BBS12: variants seen among roughly 807,000 people sequenced by gnomAD.
BBS12 encodes the protein Bardet-Biedl syndrome 12, also known as chaperonin-containing T-complex member BBS12.
BBS12 carries 5 observed loss-of-function variants against 5.6 expected under a neutral mutation model. That is an observed-to-expected ratio of 0.89 (90% CI 0.46 to 1.86). The LOEUF (loss-of-function observed/expected upper bound fraction) is 1.86, where lower values mean the gene tolerates loss of function less well. BBS12 is among the 40% of genes most tolerant of loss of function. The probability of loss-of-function intolerance (pLI) is 0.01; values close to 1 mark genes in which losing one functional copy is unlikely to be tolerated. For missense variants in BBS12, 748 were observed against 830.4 expected (o/e 0.90, Z 1.22); for synonymous variants, 308 against 306.8 (o/e 1.00, Z -0.04).
At position 122,743,011 on chromosome 4, in the gene BBS12, T is replaced by C. The variant is rs1385127802; in HGVS notation, c.1119T>C (p.Asn373=). 6.2e-7 allele frequency: 1 copy of C among 1,614,264 alleles called. No homozygotes were observed. Among genetic ancestry groups the C allele is most frequent in the African/African-American group, 1.3e-5 (1 of 75,074 alleles). The change falls in exon 2 of 2, where the codon AAT becomes AAC. Residue 373 remains asparagine (N), a synonymous_variant. Coordinates refer to ENST00000314218, the MANE Select transcript of BBS12 (RefSeq NM_152618.3). Reference sequence around the variant, plus strand: ...AGAATTACCGCCACCTGGGATTTAATAAGTCTGCAAATATTAAAACAGTAT... The same window carrying C: ...AGAATTACCGCCACCTGGGATTTAACAAGTCTGCAAATATTAAAACAGTAT... ...LTENYRHLGF[N]KSANIKTVLD...
chr4:122,734,414 C>T (rs1369826331), intron 1 of BBS12, among the ~76,000 whole-genome samples: 5 of 152,030 alleles, frequency 3.3e-5, no homozygotes, highest in Non-Finnish European at 7.4e-5. Flanking sequence ...TACAGGCGCC[C>T]GCCACCGCGC....
At chr4:122,716,607 A>ACGTG in the BBS12 span, among the ~76,000 whole-genome samples, 5 of 58,808 alleles carry the variant, frequency 8.5e-5, no homozygotes, top group East Asian at 2.5e-3. Context: ...GTATACACAC[A>ACGTG]TGTGTGTATA....
the BBS12 span, among the ~76,000 whole-genome samples, chr4:122,712,400 T>C: frequency 2.0e-5 from 3 of 152,238 alleles, no homozygotes; most frequent in Admixed American, 6.5e-5. Context: ...CAAAAGGCTA[T>C]GATGGTCTAA....
intron 1 of BBS12, among the ~76,000 whole-genome samples, chr4:122,739,496 T>C (rs767279545): frequency 1.3e-5 from 2 of 152,246 alleles, no homozygotes; most frequent in Non-Finnish European, 2.9e-5. Context: ...AAATCATGAA[T>C]GACCAGTGAA....
At chr4:122,712,964 A>C in the BBS12 span, among the ~76,000 whole-genome samples, 1 of 152,192 alleles carries the variant, frequency 6.6e-6, no homozygotes, top group Non-Finnish European at 1.5e-5. Context: ...GCAACTGCAT[A>C]TGTGGTGGTG....
intron 1 of BBS12, among the ~76,000 whole-genome samples, chr4:122,734,423 G>A (rs1800755816): frequency 6.6e-6 from 1 of 151,966 alleles, no homozygotes. Context: ...CCGCCACCGC[G>A]CCCGGCTAAT....
chr4:122,726,704 A>T, the BBS12 span, among the ~76,000 whole-genome samples: 8 of 152,234 alleles, frequency 5.3e-5, no homozygotes, highest in Non-Finnish European at 1.2e-4. Context: ...GAACCAGCCC[A>T]AATGCCCATC....
upstream of BBS12, chr4:122,730,412 A>G (rs995531281): frequency 6.6e-6 from 1 of 152,244 alleles, no homozygotes; most frequent in African/African-American, 2.4e-5. Context: ...AACTTCTTAC[A>G]TGGATTAGAC....
chr4:122,707,311 A>T, the BBS12 span, among the ~76,000 whole-genome samples: 1 of 146,064 alleles, frequency 6.8e-6, no homozygotes. Context: ...TTGTTTCCCC[A>T]CAAATTTTAT....
chr4:122,729,607 G>A (rs1056730408), upstream of BBS12: 4 of 152,136 alleles, frequency 2.6e-5, no homozygotes, highest in African/African-American at 9.7e-5. Context: ...GTAAAATGGA[G>A]CTAATACAAT....
the BBS12 span, among the ~76,000 whole-genome samples, chr4:122,710,721 T>A: frequency 6.6e-6 from 1 of 151,982 alleles, no homozygotes; most frequent in South Asian, 2.1e-4. Context: ...TTTTAATACG[T>A]AAAGGTATTG....
At chr4:122,741,729 A>G (rs1487741244) in intron 1 of BBS12, among the ~76,000 whole-genome samples, 154 bp from the exon 2 acceptor site, 1 of 152,186 alleles carries the variant, frequency 6.6e-6, no homozygotes, top group African/African-American at 2.4e-5. Flanking sequence ...TTTATCATTA[A>G]TAGAATAATA....
At chr4:122,709,100 T>C in the BBS12 span, among the ~76,000 whole-genome samples, 2 of 144,528 alleles carry the variant, frequency 1.4e-5, no homozygotes, top group Non-Finnish European at 3.0e-5. Flanking sequence ...AATATACATA[T>C]AATAATCAAC....
At chr4:122,716,609 GTGTGTA>G in the BBS12 span, among the ~76,000 whole-genome samples, 70 of 61,138 alleles carry the variant, frequency 1.1e-3, 7 homozygotes, top group Middle Eastern at 0.01. Context: ...ATACACACAT[GTGTGTA>G]TATGCACATA....
At chr4:122,733,948 G>A (rs1321080667) in intron 1 of BBS12, 1 of 133,298 alleles carries the variant, frequency 7.5e-6, no homozygotes, top group Non-Finnish European at 1.5e-5. Flanking sequence ...GAAGCACTCT[G>A]TCAAATCACT....
the BBS12 span, among the ~76,000 whole-genome samples, chr4:122,714,028 G>C: frequency 0.023 from 3,562 of 152,270 alleles, 67 homozygotes; most frequent in Admixed American, 0.034. Context: ...GGACTGAATT[G>C]TGTCCTCTCA....
At position 122,743,265 on chromosome 4, in the gene BBS12, C is replaced by T. The variant is rs772384964; in HGVS notation, c.1373C>T (p.Thr458Ile). ...AAGAVQVAYI[T>I]QVNEDCVGDG... ...GGAGCAGTACAGGTGGCCTACATTA[C>T]ACAAGTGAATGAAGATTGTGTGGGC... Residue 458 changes from threonine to isoleucine, a missense_variant, in exon 2 of 2, where the codon ACA becomes ATA. By Grantham distance (89) the Thr-to-Ile change is moderately conservative. Transcript: ENST00000314218. 6.2e-7 allele frequency: 1 copy of T among 1,614,214 alleles called. No homozygotes were observed. The highest frequency in any genetic ancestry group is 1.1e-5 in the South Asian group (1 of 91,080).
chr4:122,730,781 T>C (rs1404205870), upstream of BBS12: 1 of 152,098 alleles, frequency 6.6e-6, no homozygotes, highest in Non-Finnish European at 1.5e-5. Flanking sequence ...AAGTTATAAT[T>C]ACATATAAAT....
the BBS12 span, among the ~76,000 whole-genome samples, chr4:122,710,414 T>C: frequency 6.6e-6 from 1 of 152,246 alleles, no homozygotes; most frequent in African/African-American, 2.4e-5. Flanking sequence ...TTTCCCAAGA[T>C]AATGCAGGGA....
Sources: gnomAD v4.1 joint callset for allele counts (sites outside exome capture counted in the v4.1 genomes callset) on GRCh38, gnomAD v4.1.1 for gene constraint, MANE v1.5 for transcripts, NCBI Gene and HGNC (gene_info 2026-07-23, HGNC 2026-07-21) for gene names.